The following LINGO2 variants were observed in gnomAD, a reference collection of about 807,000 sequenced individuals.
The protein encoded by LINGO2 is leucine rich repeat and Ig domain containing 2.
LINGO2 carries 14 observed loss-of-function variants against 30.6 expected under a neutral mutation model. That is an observed-to-expected ratio of 0.46 (90% confidence interval 0.30 to 0.72). The LOEUF is 0.72. LINGO2 is among the 30% of genes least tolerant of loss of function. LINGO2 has a pLI of 0.07. For missense variants in LINGO2, 729 were observed against 751.7 expected (o/e 0.97, Z 0.35); for synonymous variants, 317 against 288.5 (o/e 1.10, Z -1.00).
intron 1 of LINGO2, among the ~76,000 whole-genome samples, chr9:28,563,856 G>C (rs1823227276): frequency 6.6e-6 from 1 of 152,050 alleles, no homozygotes. Context: ...AGTTGTTTCT[G>C]GTCCAATCTG....
chr9:28,025,758 G>A (rs1251689014), intron 4 of LINGO2, among the ~76,000 whole-genome samples: 1 of 152,198 alleles, frequency 6.6e-6, no homozygotes, highest in Non-Finnish European at 1.5e-5. Flanking sequence ...ATCAGGGTAG[G>A]CTTCCCATCC....
intron 4 of LINGO2, among the ~76,000 whole-genome samples, chr9:28,263,436 G>A (rs1822635581): frequency 6.6e-6 from 1 of 151,942 alleles, no homozygotes; most frequent in African/African-American, 2.4e-5. Flanking sequence ...AAGAAGAGAG[G>A]TTTATGCAGG....
chr9:28,175,351 A>T (rs1339301932), intron 4 of LINGO2, among the ~76,000 whole-genome samples: 1 of 151,892 alleles, frequency 6.6e-6, no homozygotes, highest in Non-Finnish European at 1.5e-5. Context: ...TCTGACCGCA[A>T]CTCTCTCCAG....
intron 4 of LINGO2, among the ~76,000 whole-genome samples, chr9:28,056,108 C>T (rs10968316): frequency 0.11 from 16,041 of 152,198 alleles, 1,157 homozygotes; most frequent in Middle Eastern, 0.21. Context: ...CAAAGGCAAC[C>T]TCTGAGCGTC....
the LINGO2 span, among the ~76,000 whole-genome samples, chr9:28,766,683 C>T: frequency 2.0e-5 from 3 of 151,516 alleles, no homozygotes; most frequent in African/African-American, 7.3e-5. Context: ...ACATGTTTGT[C>T]CATGAATGAA....
rs117504360 is a variant in LINGO2, at chr9:28,050,905, G to A, written c.-86-38500C>T. ...TAATAAATACCATTAATCTACAGATGAGTTTTTTCAAAATATTGAAAACAC... is the reference window on the plus strand; with the variant it reads ...TAATAAATACCATTAATCTACAGATAAGTTTTTTCAAAATATTGAAAACAC... On this transcript the variant is annotated intron_variant, in intron 4 of 5. Coordinates refer to ENST00000379992, the Ensembl canonical transcript of LINGO2. Among the ~76,000 whole-genome samples the A allele has an allele frequency of 1.1e-3, 161 of 151,148 alleles. 5 individuals are homozygous for A. The highest frequency in any genetic ancestry group is 2.2e-3 in the Non-Finnish European group (147 of 67,908).
intron 5 of LINGO2, among the ~76,000 whole-genome samples, chr9:27,971,070 G>A (rs1820328250): frequency 6.6e-6 from 1 of 151,706 alleles, no homozygotes. Flanking sequence ...AGCAAATGGT[G>A]GTTCTCCTCT....
chr9:28,359,579 C>T (rs191174922), intron 3 of LINGO2, among the ~76,000 whole-genome samples: 7 of 152,130 alleles, frequency 4.6e-5, no homozygotes, highest in Non-Finnish European at 8.8e-5. Context: ...CAATCACTAT[C>T]ATTTGGGTGA....
At chr9:28,816,998 GA>G in the LINGO2 span, among the ~76,000 whole-genome samples, 8 of 152,158 alleles carry the variant, frequency 5.3e-5, no homozygotes, top group African/African-American at 1.2e-4. Context: ...ACATTCTTTA[GA>G]AATCCATCTG....
chr9:28,544,301 G>A (rs550910544), intron 1 of LINGO2, among the ~76,000 whole-genome samples: 1 of 152,156 alleles, frequency 6.6e-6, no homozygotes, highest in East Asian at 1.9e-4. Context: ...AGAGTTGCCA[G>A]TTCTGTAATC....
intron 5 of LINGO2, among the ~76,000 whole-genome samples, chr9:27,963,679 G>A (rs1819957358): frequency 6.7e-6 from 1 of 149,596 alleles, no homozygotes; most frequent in Admixed American, 6.7e-5. Context: ...TTTTTTTGAA[G>A]TCAGTAAAGC....
chr9:28,210,432 A>T (rs1404152471), intron 4 of LINGO2, among the ~76,000 whole-genome samples: 1 of 151,564 alleles, frequency 6.6e-6, no homozygotes, highest in Non-Finnish European at 1.5e-5. Flanking sequence ...TGTAAGAATA[A>T]AAAAAATAAA....
chr9:29,049,162 A>C, the LINGO2 span, among the ~76,000 whole-genome samples: 10 of 152,240 alleles, frequency 6.6e-5, no homozygotes, highest in Non-Finnish European at 1.3e-4. Flanking sequence ...AACAGATTTG[A>C]ATACACACTT....
intron 4 of LINGO2, among the ~76,000 whole-genome samples, chr9:28,257,282 A>G (rs1472560976): frequency 1.3e-5 from 2 of 151,630 alleles, no homozygotes; most frequent in African/African-American, 4.8e-5. Flanking sequence ...ACATGTTTAA[A>G]GAGATGTTTT....
intron 1 of LINGO2, among the ~76,000 whole-genome samples, chr9:28,593,110 GCAAATCAAGAATTCAA>G (rs1317521712): frequency 3.1e-4 from 47 of 152,070 alleles, no homozygotes; most frequent in African/African-American, 1.0e-3. Flanking sequence ...TTAGACTTCA[GCAAATCAAGAATTCAA>G]CAAATCAAGA....
intron 1 of LINGO2, among the ~76,000 whole-genome samples, chr9:28,516,966 T>C (rs1820641789): frequency 6.6e-6 from 1 of 152,214 alleles, no homozygotes; most frequent in African/African-American, 2.4e-5. Context: ...CAGGATGTCA[T>C]GGGCACATTT....
chr9:29,104,281 C>T, the LINGO2 span, among the ~76,000 whole-genome samples: 1 of 152,060 alleles, frequency 6.6e-6, no homozygotes, highest in Non-Finnish European at 1.5e-5. Context: ...TCATGGTGTG[C>T]ATTTTCCCCT....
At chr9:28,443,417 T>C (rs1304023824) in intron 2 of LINGO2, among the ~76,000 whole-genome samples, 1 of 151,984 alleles carries the variant, frequency 6.6e-6, no homozygotes, top group Middle Eastern at 3.2e-3. Context: ...CCCTACTGAG[T>C]TGGTGGGGCA....
chr9:28,190,517 A>G (rs1446300635), intron 4 of LINGO2, among the ~76,000 whole-genome samples: 1 of 152,148 alleles, frequency 6.6e-6, no homozygotes, highest in Non-Finnish European at 1.5e-5. Flanking sequence ...GTGCCCTTAT[A>G]AAAGAAACCC....
Sources: gnomAD v4.1 joint callset for allele counts (sites outside exome capture counted in the v4.1 genomes callset) on GRCh38, gnomAD v4.1.1 for gene constraint, MANE v1.5 for transcripts, NCBI Gene and HGNC (gene_info 2026-07-23, HGNC 2026-07-21) for gene names.